The following MTMR4 variants were observed in gnomAD, a reference collection of about 807,000 sequenced individuals.
MTMR4 encodes the protein phosphatidylinositol-3,5-bisphosphate 3-phosphatase MTMR4.
In MTMR4, 30 loss-of-function variants were observed where a neutral mutation model predicts 125.5. That is an observed-to-expected ratio of 0.24 (90% CI 0.18 to 0.32). The LOEUF (loss-of-function observed/expected upper bound fraction) is 0.32. MTMR4 is among the 10% of genes least tolerant of loss of function. MTMR4 has a pLI of 1.00. For missense variants in MTMR4, 1,039 were observed against 1,511.5 expected, an observed-to-expected ratio of 0.69 and a Z score of 5.18; for synonymous variants, 498 against 564.5, an observed-to-expected ratio of 0.88 and a Z score of 1.67.
rs1180175699 is a variant in MTMR4 at position 58,504,415 on chromosome 17, T to C, written c.1415A>G (p.Glu472Gly). The C allele has an allele frequency of 1.2e-6, 2 of 1,614,062 alleles. No homozygotes were observed. Among genetic ancestry groups the C allele is most frequent in the South Asian group, 2.2e-5 (2 of 91,056 alleles). Residue 472 changes from glutamate (E) to glycine (G), a missense_variant, in exon 12 of 18, where the codon GAG becomes GGG. By Grantham distance (98) the Glu-to-Gly change is moderately conservative. Coordinates refer to ENST00000682306, the MANE Select transcript of MTMR4 (RefSeq NM_001378067.1). This position sits in a 1 kb window ranked among gnomAD's most constrained non-coding sequence, Gnocchi z 7.1. ...HKFGDRCGHQ[E>G]NVEDQNEQCP... ...TTGTTCGTTTTGGTCCTCCACATTC[T>C]CTTGGTGGCCACAGCGATCTCCAAA...
upstream of MTMR4, chr17:58,517,994 G>A: frequency 6.5e-6 from 1 of 152,960 alleles, no homozygotes; most frequent in Non-Finnish European, 1.5e-5. Context: ...CCCCCATCAC[G>A]CAGCCACCGC....
intron 17 of MTMR4, among the ~76,000 whole-genome samples, chr17:58,492,232 C>T (rs937939245): frequency 6.6e-6 from 1 of 152,288 alleles, no homozygotes; most frequent in East Asian, 1.9e-4. Flanking sequence ...AGTGCAGTGG[C>T]GTAATCTCGG....
intron 15 of MTMR4, among the ~76,000 whole-genome samples, chr17:58,494,653 T>C (rs1225207204): frequency 6.6e-6 from 1 of 152,232 alleles, no homozygotes; most frequent in East Asian, 1.9e-4. Flanking sequence ...ACTGTCTACC[T>C]GGCTAAGTAT....
In MTMR4 at chr17:58,507,162, C is replaced by T. The variant is rs185453517; in HGVS notation, c.865G>A (p.Gly289Arg). 18 of 1,614,138 alleles carry T rather than the reference C, an allele frequency of 1.1e-5. No individual in the cohort carries two copies. In the East Asian group the frequency reaches 1.3e-4, roughly 12 times the overall value. ...TRATGGSLST[G>R]NNDTSEACDA... is the part of the protein sequence containing the mutation. Reference sequence around the variant, plus strand: ...CACGCCTCGCTGGTATCATTATTCCCGGTGCTGAGGGAGCCCCCAGTGGCC... The same window carrying T: ...CACGCCTCGCTGGTATCATTATTCCTGGTGCTGAGGGAGCCCCCAGTGGCC... Residue 289 changes from glycine to arginine, a missense_variant, in exon 8 of 18, where the codon GGG (glycine) becomes AGG (arginine). By Grantham distance (125) the Gly-to-Arg change is moderately radical. Coordinates refer to ENST00000682306, the MANE Select transcript of MTMR4 (RefSeq NM_001378067.1).
At position 58,495,906 on chromosome 17, in the gene MTMR4, C is replaced by T; in HGVS notation, c.2278G>A (p.Asp760Asn). Residue 760 changes from aspartate to asparagine, a missense_variant, in exon 15 of 18, where the codon GAT (aspartate) becomes AAT (asparagine). Around this residue, in one of 6 missense-constraint regions of MTMR4, gnomAD observed 619 missense variants for 714.5 expected, o/e 0.87. Transcript: ENST00000682306. ...TGTTCAGGTGGCTCCCCTATGCCAT[C>T]TAAAGTCCTACCCAGCTCATCCTGG... is the stretch of plus-strand genomic sequence containing the variant. ...SAQDELGRTL[D>N]GIGEPPEHCP... 6.2e-7 allele frequency: 1 copy of T among 1,614,216 alleles called. No individual in the cohort carries two copies. The highest frequency in any genetic ancestry group is 8.5e-7 in the Non-Finnish European group (1 of 1,180,040).
At chr17:58,516,640 TA>T (rs2042019721), upstream of MTMR4, 1 of 1,610,938 alleles carries the variant, frequency 6.2e-7, no homozygotes, top group South Asian at 1.1e-5. Flanking sequence ...CAGAGGAACA[TA>T]AAAGTAAAGG....
At chr17:58,501,651 C>T (rs961753788) in intron 14 of MTMR4, among the ~76,000 whole-genome samples, 11 of 150,280 alleles carry the variant, frequency 7.3e-5, no homozygotes, top group Non-Finnish European at 1.0e-4. Flanking sequence ...TATATGTATA[C>T]GGATATATAT....
rs927185186 is a variant in MTMR4, at chr17:58,505,245, T to C, written c.1145+227A>G. Among the ~76,000 whole-genome samples the C allele has an allele frequency of 2.6e-5, 4 of 152,208 alleles. No individual in the cohort carries two copies. The East Asian group carries it at 7.7e-4, about 29-fold the overall frequency. On this transcript the variant is annotated intron_variant, in intron 10 of 17. Transcript: ENST00000682306. ...CCTCTCCCCAGTTCTCTGTGTTCTT[T>C]GAGTAGAACAACTGATCCAAACGAA... is the stretch of plus-strand genomic sequence containing the variant.
At chr17:58,515,511 C>G (rs953765050), upstream of MTMR4, among the ~76,000 whole-genome samples, 31 of 152,196 alleles carry the variant, frequency 2.0e-4, no homozygotes, top group African/African-American at 7.2e-4. Flanking sequence ...CAGTTTCTAA[C>G]ATTATCTCAG....
In MTMR4 at chr17:58,504,075, A is replaced by C; in HGVS notation, c.1673T>G (p.Phe558Cys). The C allele has an allele frequency of 1.9e-6, 3 of 1,573,164 alleles. No homozygotes were observed. The highest frequency in any genetic ancestry group is 2.6e-6 in the Non-Finnish European group (3 of 1,161,028). ...CATGTCTGAGCTGGGTGTGTAGAGG[A>C]AGTTATGAAAGTTTTTATTGCCAGC... is the stretch of plus-strand genomic sequence containing the variant. Reference protein sequence around the residue: ...LRAGNKNFHNFLYTPSSDMVL... With the variant: ...LRAGNKNFHNCLYTPSSDMVL... The change falls in exon 13 of 18, where the codon TTC becomes TGC. Residue 558 changes from phenylalanine (F) to cysteine (C), a missense_variant. Phe to Cys is a radical substitution (Grantham distance 205, BLOSUM62 -2). Coordinates refer to ENST00000682306, the MANE Select transcript of MTMR4 (RefSeq NM_001378067.1). This position sits in a 1 kb window ranked among gnomAD's most constrained non-coding sequence, Gnocchi z 7.1.
At position 58,495,315 on chromosome 17, in the gene MTMR4, G is replaced by A. The variant is rs368681185; in HGVS notation, c.2869C>T (p.Arg957Trp). 132 of 1,614,064 alleles carry A rather than the reference G, an allele frequency of 8.2e-5. 1 individual carries two copies. In the South Asian group the frequency reaches 1.0e-3, roughly 12 times the overall value. The change falls in exon 15 of 18, where the codon CGG (arginine) becomes TGG (tryptophan). Residue 957 changes from arginine to tryptophan, a missense_variant. Coordinates refer to ENST00000682306, the MANE Select transcript of MTMR4 (RefSeq NM_001378067.1). ...CSKRPNSKQMRATGPCFGGQW... is the reference protein window; with the variant it reads ...CSKRPNSKQMWATGPCFGGQW... ...CCCCCAAAGCAGGGCCCTGTGGCCC[G>A]CATCTGCTTACTGTTTGGCCTCTTG...
intron 14 of MTMR4, among the ~76,000 whole-genome samples, chr17:58,496,951 AAC>A (rs1299452195): frequency 6.6e-6 from 1 of 152,200 alleles, no homozygotes; most frequent in African/African-American, 2.4e-5. Context: ...CAACTCCCTC[AAC>A]ACTGCTCTTG....
At chr17:58,510,043 G>A (rs1422131308) in intron 4 of MTMR4, among the ~76,000 whole-genome samples, 3 of 152,122 alleles carry the variant, frequency 2.0e-5, no homozygotes, top group African/African-American at 7.2e-5. Flanking sequence ...TCTCATCTGG[G>A]TAACTGCAAT....
At chr17:58,518,780 C>T (rs910340234), upstream of MTMR4, among the ~76,000 whole-genome samples, 1 of 152,076 alleles carries the variant, frequency 6.6e-6, no homozygotes, top group African/African-American at 2.4e-5. Context: ...TCGCCGTGGC[C>T]CCGCGATACC....
In MTMR4 at chr17:58,511,522, A is replaced by C; in HGVS notation, c.253-11T>G. 1.2e-6 allele frequency: 2 copies of C among 1,611,276 alleles called. No homozygotes were observed. The highest frequency in any genetic ancestry group is 1.7e-6 in the Non-Finnish European group (2 of 1,178,298). On this transcript the variant is annotated splice_polypyrimidine_tract_variant and intron_variant, in intron 3 of 17. Transcript: ENST00000682306. ...CATCCGGAGGGGGACCTGTAGAGGAAGGGCAAACTGAAGCTCAGACTCCCC... is the reference window on the plus strand; with the variant it reads ...CATCCGGAGGGGGACCTGTAGAGGACGGGCAAACTGAAGCTCAGACTCCCC...
chr17:58,494,667 A>G (rs200892935), intron 15 of MTMR4, among the ~76,000 whole-genome samples: 29 of 152,290 alleles, frequency 1.9e-4, no homozygotes, highest in African/African-American at 7.0e-4. Flanking sequence ...TAAGTATCAC[A>G]CATTCTTCAG....
Position 58,495,373 on chromosome 17 carries a change from G to A in MTMR4, c.2811C>T (p.Thr937=). Residue 937 remains threonine (T), a synonymous_variant, in exon 15 of 18, where the codon ACC becomes ACT. Coordinates refer to ENST00000682306, the MANE Select transcript of MTMR4 (RefSeq NM_001378067.1). The part of the protein sequence containing the change: ...MVTSFPSGEA[T]PRRLLSYGCC... ...AGCCATAGGAAAGCAGCCGCCGAGG[G>A]GTGGCCTCCCCACTTGGGAATGAAG... 1 of 1,614,222 alleles carries A rather than the reference G, an allele frequency of 6.2e-7. No homozygotes were observed. The highest frequency in any genetic ancestry group is 8.5e-7 in the Non-Finnish European group (1 of 1,180,050).
chr17:58,495,489 A>G lies in MTMR4; in HGVS notation c.2695T>C (p.Leu899=), dbSNP rs771703718. Reference sequence around the variant, plus strand: ...GAAATTGGCTTCCGGACCAATTCCAATGGCATTTTCCCAAAGCGAGGATTT... The same window carrying G: ...GAAATTGGCTTCCGGACCAATTCCAGTGGCATTTTCCCAAAGCGAGGATTT... The part of the protein sequence containing the change: ...LENPRFGKMP[L]ELVRKPISQS... The change falls in exon 15 of 18, where the codon TTG becomes CTG. Residue 899 remains leucine, a synonymous_variant. Coordinates refer to ENST00000682306, the MANE Select transcript of MTMR4 (RefSeq NM_001378067.1). 4.0e-5 allele frequency: 65 copies of G among 1,614,130 alleles called. No individual in the cohort carries two copies. The Admixed American group carries it at 6.3e-4, about 16-fold the overall frequency.
Position 58,504,010 on chromosome 17 carries a change from G to A in MTMR4, c.1698+40C>T. 1 of 1,536,998 alleles carries A rather than the reference G, an allele frequency of 6.5e-7. No homozygotes were observed. Among genetic ancestry groups the A allele is most frequent in the Non-Finnish European group, 8.8e-7 (1 of 1,142,824 alleles). On this transcript the variant is annotated intron_variant, in intron 13 of 17. Coordinates refer to ENST00000682306, the MANE Select transcript of MTMR4 (RefSeq NM_001378067.1). The surrounding 1 kb of genome is among the most constrained non-coding windows in gnomAD (Gnocchi z 7.1). ...CTGACTCAGCTGCTTCTCCCTATAG[G>A]TTTCTAAATAGCACCTACAGGAAAA... is the stretch of plus-strand genomic sequence containing the variant.
Sources: gnomAD v4.1 joint callset for allele counts (sites outside exome capture counted in the v4.1 genomes callset) on GRCh38, gnomAD v4.1.1 for gene constraint, gnomAD v4.1.1 regional missense constraint, Gnocchi (gnomAD v3.1) non-coding constraint, MANE v1.5 for transcripts, NCBI Gene and HGNC (gene_info 2026-07-23, HGNC 2026-07-21) for gene names.